PRKCQ: variants seen among roughly 807,000 people sequenced by gnomAD.
PRKCQ encodes protein kinase C theta, also known as protein kinase C theta type.
PRKCQ carries 41 observed loss-of-function variants against 91.2 expected under a neutral mutation model. That is an observed-to-expected ratio of 0.45 (90% CI 0.35 to 0.58). The LOEUF is 0.58. Ranked by LOEUF, PRKCQ falls within the 20% of genes least tolerant of loss-of-function variation. The pLI, the probability that PRKCQ is intolerant of heterozygous loss-of-function variation, is 0.00. For synonymous variants in PRKCQ, 307 were observed against 316.9 expected (o/e 0.97, Z 0.33); for missense variants, 673 against 896.5 (o/e 0.75, Z 3.18).
At chr10:6,404,125 A>G in the PRKCQ span, among the ~76,000 whole-genome samples, 2 of 152,020 alleles carry the variant, frequency 1.3e-5, no homozygotes, top group African/African-American at 2.4e-5. Context: ...TAGCAAGAAT[A>G]AAAAAATGCA....
chr10:6,394,606 C>T, the PRKCQ span, among the ~76,000 whole-genome samples: 2 of 152,178 alleles, frequency 1.3e-5, no homozygotes, highest in African/African-American at 2.4e-5. Flanking sequence ...TTCTCAGATA[C>T]GTGTTGTAAA....
chr10:6,577,539 T>G (rs1841288972), intron 1 of PRKCQ, among the ~76,000 whole-genome samples: 1 of 152,044 alleles, frequency 6.6e-6, no homozygotes. Flanking sequence ...AAATTACAGA[T>G]TACACACACA....
intron 3 of PRKCQ, among the ~76,000 whole-genome samples, chr10:6,509,773 G>C (rs57600778): frequency 0.018 from 2,729 of 152,142 alleles, 78 homozygotes; most frequent in African/African-American, 0.063. Context: ...TAAATTACCT[G>C]GACATATCTA....
At chr10:6,485,976 G>C in intron 9 of PRKCQ, 59 bp downstream of exon 9, 1 of 1,417,540 alleles carries the variant, frequency 7.1e-7, no homozygotes, top group Non-Finnish European at 9.9e-7. Flanking sequence ...CAGCAGAAGT[G>C]CATGGACATC....
chr10:6,526,018 T>G (rs1428440874), intron 1 of PRKCQ, among the ~76,000 whole-genome samples: 3 of 152,184 alleles, frequency 2.0e-5, no homozygotes, highest in Non-Finnish European at 4.4e-5. Flanking sequence ...ATGAGGAAAC[T>G]CCATAAACTC....
intron 14 of PRKCQ, among the ~76,000 whole-genome samples, chr10:6,457,356 T>C (rs113779815): frequency 3.3e-4 from 50 of 152,304 alleles, no homozygotes; most frequent in Non-Finnish European, 6.3e-4. Flanking sequence ...CTGATAATAT[T>C]TTTTAAAAAA....
rs558360825 is a variant in PRKCQ, at chr10:6,485,964, A to G, written c.900+71T>C. 5.7e-4 allele frequency: 757 copies of G among 1,324,416 alleles called. 10 individuals carry two copies. The South Asian group carries it at 6.7e-3, about 12-fold the overall frequency. 82.0% of individuals were successfully genotyped at this position (1,324,416 alleles called of 1,614,324 possible). On this transcript the variant is annotated intron_variant, in intron 9 of 17. Coordinates refer to ENST00000263125, the MANE Select transcript of PRKCQ (RefSeq NM_006257.5). ...TTTCCCATAGGGCTGCCACAGGTGA[A>G]GCAGCAGAAGTGCATGGACATCCTT...
In PRKCQ at chr10:6,491,852, G is replaced by A. The variant is rs563766038; in HGVS notation, c.661-40C>T. On this transcript the variant is annotated intron_variant, in intron 7 of 17. Coordinates refer to ENST00000263125, the MANE Select transcript of PRKCQ (RefSeq NM_006257.5). ...GAAGGTGAAATCTGTGTATTCCTGGGGCCCCGACTTTGGATGTTCTTGCAG... is the reference window on the plus strand; with the variant it reads ...GAAGGTGAAATCTGTGTATTCCTGGAGCCCCGACTTTGGATGTTCTTGCAG... 1,009 of 1,613,564 alleles carry A rather than the reference G, an allele frequency of 6.3e-4. 16 individuals carry two copies. In the South Asian group the frequency reaches 0.01, roughly 17 times the overall value.
At chr10:6,559,721 A>G (rs1840552584) in intron 1 of PRKCQ, among the ~76,000 whole-genome samples, 1 of 151,706 alleles carries the variant, frequency 6.6e-6, no homozygotes, top group Non-Finnish European at 1.5e-5. Flanking sequence ...ATTTTTCTTC[A>G]CTCTCCATCA....
chr10:6,446,619 G>A lies in PRKCQ; in HGVS notation c.1648-4538C>T, dbSNP rs141039604. Among the ~76,000 whole-genome samples the A allele has an allele frequency of 7.8e-3, 1,180 of 152,142 alleles. 15 individuals carry two copies. Among genetic ancestry groups the A allele is most frequent in the African/African-American group, 0.027 (1,128 of 41,494 alleles). On this transcript the variant is annotated intron_variant, in intron 15 of 17. Coordinates refer to ENST00000263125, the MANE Select transcript of PRKCQ (RefSeq NM_006257.5). ...GACCTCAGGTGATCCGCCTACCTCC[G>A]CCTCCCAAAGTCCTGGGATTATAGG...
chr10:6,467,335 C>CAGAGAGAGAG (rs1173010895), intron 12 of PRKCQ, among the ~76,000 whole-genome samples: 1 of 103,308 alleles, frequency 9.7e-6, no homozygotes, highest in African/African-American at 3.6e-5. Flanking sequence ...GAGAGACAGA[C>CAGAGAGAGAG]AGAGAGAGAG....
the PRKCQ span, among the ~76,000 whole-genome samples, chr10:6,415,405 CATATATATATATATATATATATATAT>C: frequency 0.33 from 34,850 of 105,074 alleles, 5,770 homozygotes; most frequent in Non-Finnish European, 0.36. Context: ...CAAGAAAATA[CATATATATATATATATATATATATAT>C]ATATATATAT....
chr10:6,432,261 C>T (rs1215825050), intron 16 of PRKCQ, among the ~76,000 whole-genome samples: 1 of 152,166 alleles, frequency 6.6e-6, no homozygotes, highest in African/African-American at 2.4e-5. Context: ...CATAGCCAGC[C>T]TGCATGTTCT....
chr10:6,451,960 A>G (rs897753138), intron 15 of PRKCQ, among the ~76,000 whole-genome samples: 1 of 152,216 alleles, frequency 6.6e-6, no homozygotes, highest in Non-Finnish European at 1.5e-5. Flanking sequence ...ACAAACCCAC[A>G]GCCAATATCA....
chr10:6,396,269 T>C, the PRKCQ span, among the ~76,000 whole-genome samples: 1 of 152,186 alleles, frequency 6.6e-6, no homozygotes, highest in African/African-American at 2.4e-5. Context: ...CTAAAACAAG[T>C]TTTATTGAGA....
chr10:6,487,779 C>T lies in PRKCQ; in HGVS notation c.791-1635G>A, dbSNP rs183591896. ...TTGGGAGGCCGAGGCGGGCAGATCA[C>T]CTGAGGTCAGGAGTTTGAGAGCAGC... On this transcript the variant is annotated intron_variant, in intron 8 of 17. Transcript: ENST00000263125. Among the ~76,000 whole-genome samples the T allele has an allele frequency of 3.3e-5, 5 of 152,132 alleles. No homozygotes were observed. The East Asian group carries it at 9.7e-4, about 29-fold the overall frequency.
Position 6,463,743 on chromosome 10 carries a change from G to C in PRKCQ, c.1445+570C>G, listed in dbSNP as rs1336932520. Among the ~76,000 whole-genome samples, 3 of 152,184 alleles carry C rather than the reference G, an allele frequency of 2.0e-5. No individual in the cohort carries two copies. In the East Asian group the frequency reaches 5.8e-4, roughly 29 times the overall value. On this transcript the variant is annotated intron_variant, in intron 13 of 17. Transcript: ENST00000263125. ...CTTTCTTTTACTTGCATGTCATGGG[G>C]AGCAGGAAGTGGGACCCAAAGGGAA... is the stretch of plus-strand genomic sequence containing the variant.
At chr10:6,403,054 C>T in the PRKCQ span, among the ~76,000 whole-genome samples, 3 of 152,248 alleles carry the variant, frequency 2.0e-5, no homozygotes, top group Admixed American at 1.3e-4. Flanking sequence ...TTGCTCTACT[C>T]TCCTATCCCT....
intron 1 of PRKCQ, among the ~76,000 whole-genome samples, chr10:6,545,275 C>T (rs981133088): frequency 6.6e-6 from 1 of 152,348 alleles, no homozygotes; most frequent in East Asian, 1.9e-4. Flanking sequence ...AAGCACTGCA[C>T]TGGGCGCTGT....
Sources: gnomAD v4.1 joint callset for allele counts (sites outside exome capture counted in the v4.1 genomes callset) on GRCh38, gnomAD v4.1.1 for gene constraint, MANE v1.5 for transcripts, NCBI Gene and HGNC (gene_info 2026-07-23, HGNC 2026-07-21) for gene names.